The following EYS variants were observed in gnomAD, a reference collection of about 807,000 sequenced individuals.
The protein encoded by EYS is protein eyes shut homolog.
EYS carries 250 observed loss-of-function variants against 282.1 expected under a neutral mutation model. The ratio of observed to expected loss-of-function variants is 0.89; its 90% CI spans 0.80 to 0.98. The LOEUF (loss-of-function observed/expected upper bound fraction) is 0.98. Ranked by LOEUF, EYS falls within the 50% of genes least tolerant of loss-of-function variation. EYS has a pLI of 0.00. For synonymous variants in EYS, 1,355 were observed against 1,282.9 expected, an observed-to-expected ratio of 1.06 and a Z score of -1.20; for missense variants, 4,016 against 3,709.0, an observed-to-expected ratio of 1.08 and a Z score of -2.15.
At chr6:63,857,774 C>A (rs1276678438) in intron 36 of EYS, 1 of 212,316 alleles carries the variant, frequency 4.7e-6, no homozygotes, top group Non-Finnish European at 1.0e-5. Flanking sequence ...ACAACACTGA[C>A]AATTACAGGC....
chr6:64,830,090 G>A (rs1765170699), intron 19 of EYS, among the ~76,000 whole-genome samples: 1 of 151,848 alleles, frequency 6.6e-6, no homozygotes, highest in South Asian at 2.1e-4. Context: ...AGGTCATAAG[G>A]GCAGAGCCCT....
At chr6:65,086,036 T>C (rs1282996077) in intron 12 of EYS, among the ~76,000 whole-genome samples, 3 of 151,956 alleles carry the variant, frequency 2.0e-5, no homozygotes, top group Non-Finnish European at 1.5e-5. Flanking sequence ...TCTTTTTTTT[T>C]TTTTTTAAAT....
At chr6:64,113,112 C>G (rs1360342943) in intron 31 of EYS, among the ~76,000 whole-genome samples, 1 of 152,000 alleles carries the variant, frequency 6.6e-6, no homozygotes, top group African/African-American at 2.4e-5. Context: ...AAAATGCAGA[C>G]TGTAATATGA....
rs1430756899 is a variant in EYS at position 63,798,985 on chromosome 6, GTGTATATATATATATATA to G, written c.7411+7187_7411+7204del. Among the ~76,000 whole-genome samples, 12 of 87,570 alleles carry G rather than the reference GTGTATATATATATATATA, an allele frequency of 1.4e-4. No individual in the cohort carries two copies. In the South Asian group the frequency reaches 2.0e-3, roughly 14 times the overall value. The allele number at this position is 87,570 out of a possible 152,430, so 57.4% of individuals were successfully genotyped here. Reference sequence around the variant, plus strand: ...TGTGTATATATATATATGTATATGTGTGTATATATATATATATATATATATATATATATATAATTTTTT... The same window carrying G: ...TGTGTATATATATATATGTATATGTGTATATATATATATATATAATTTTTT... On this transcript the variant is annotated intron_variant, in intron 37 of 42. Transcript: ENST00000503581.
At chr6:65,692,724 C>T (rs916336173) in intron 1 of EYS, among the ~76,000 whole-genome samples, 23 of 149,656 alleles carry the variant, frequency 1.5e-4, no homozygotes, top group Middle Eastern at 3.2e-3. Context: ...ACATGTAGAA[C>T]TATCCAGTTC....
intron 26 of EYS, among the ~76,000 whole-genome samples, chr6:64,581,376 T>A (rs1766061177): frequency 6.6e-6 from 1 of 151,970 alleles, no homozygotes; most frequent in Non-Finnish European, 1.5e-5. Flanking sequence ...AAAATGAAAA[T>A]CAGAACCATT....
At chr6:63,807,096 T>C (rs1204811594) in intron 36 of EYS, among the ~76,000 whole-genome samples, 4 of 152,210 alleles carry the variant, frequency 2.6e-5, no homozygotes, top group Non-Finnish European at 5.9e-5. Context: ...GGGTTGCTTC[T>C]TGTATCGAAC....
At chr6:65,685,210 G>C (rs1768974408) in intron 1 of EYS, among the ~76,000 whole-genome samples, 1 of 152,000 alleles carries the variant, frequency 6.6e-6, no homozygotes, top group African/African-American at 2.4e-5. Context: ...CAGCAAGCCT[G>C]ATATATGAAG....
chr6:64,661,641 A>T (rs1359907467), intron 22 of EYS, among the ~76,000 whole-genome samples: 1 of 150,620 alleles, frequency 6.6e-6, no homozygotes, highest in Non-Finnish European at 1.5e-5. Flanking sequence ...AATGCTCATC[A>T]TCACTGGCCA....
chr6:64,563,040 T>C (rs1051479955), intron 26 of EYS, among the ~76,000 whole-genome samples: 4 of 152,096 alleles, frequency 2.6e-5, no homozygotes, highest in African/African-American at 7.2e-5. Flanking sequence ...GCAAATATTT[T>C]ACCTTTAAGT....
At chr6:64,550,739 A>G (rs1301268102) in intron 26 of EYS, among the ~76,000 whole-genome samples, 1 of 152,142 alleles carries the variant, frequency 6.6e-6, no homozygotes, top group Admixed American at 6.5e-5. Flanking sequence ...AATCTCCTTA[A>G]GCTGATAGGC....
At chr6:65,273,802 T>C (rs114851932) in intron 12 of EYS, among the ~76,000 whole-genome samples, 2,012 of 152,272 alleles carry the variant, frequency 0.013, 30 homozygotes, top group African/African-American at 0.04. Flanking sequence ...CCCCACTCTG[T>C]CTTTGTTCAA....
chr6:64,168,118 C>G (rs1328782686), intron 31 of EYS, among the ~76,000 whole-genome samples: 1 of 152,004 alleles, frequency 6.6e-6, no homozygotes, highest in East Asian at 1.9e-4. Flanking sequence ...AAAGATTAGC[C>G]GAGCGTGGTG....
chr6:64,926,757 T>C (rs1768530687), intron 15 of EYS, among the ~76,000 whole-genome samples: 1 of 152,212 alleles, frequency 6.6e-6, no homozygotes, highest in Admixed American at 6.5e-5. Flanking sequence ...AGGTGAGGTA[T>C]ACTAACAAAG....
rs568968401 is a variant in EYS at position 65,196,634 on chromosome 6, GAC to G, written c.2023+99227_2023+99228del. Among the ~76,000 whole-genome samples, 46 of 152,100 alleles carry G rather than the reference GAC, an allele frequency of 3.0e-4. No homozygotes were observed. In the South Asian group the frequency reaches 9.3e-3, roughly 31 times the overall value. On this transcript the variant is annotated intron_variant, in intron 12 of 42. Coordinates refer to ENST00000503581, the MANE Select transcript of EYS (RefSeq NM_001142800.2). ...TGAGACTTAAATTCTGGTGTAGAGA[GAC>G]AGAAAACACACACATAAATGTATTT...
intron 11 of EYS, among the ~76,000 whole-genome samples, chr6:65,317,829 T>A (rs12199621): frequency 3.0e-5 from 1 of 33,628 alleles, no homozygotes; most frequent in Admixed American, 2.7e-4. Flanking sequence ...TTCCTTCCTT[T>A]CTTTCTTTCT....
rs117585515 is a variant in EYS at position 64,748,470 on chromosome 6, G to A, written c.3443+64908C>T. ...TTCACAATAGGGTTTGCACTCCTGT[G>A]AGAATCTAAGGCATTAGCATTAATT... On this transcript the variant is annotated intron_variant, in intron 22 of 42. Transcript: ENST00000503581. Among the ~76,000 whole-genome samples, 177 of 152,332 alleles carry A rather than the reference G, an allele frequency of 1.2e-3. 2 individuals are homozygous for A. The East Asian group carries it at 0.03, about 26-fold the overall frequency.
At chr6:64,231,093 A>T (rs541200016) in intron 30 of EYS, among the ~76,000 whole-genome samples, 4 of 152,290 alleles carry the variant, frequency 2.6e-5, no homozygotes, top group Admixed American at 1.3e-4. Context: ...TTTATGGAAA[A>T]AACATAGTCC....
intron 12 of EYS, among the ~76,000 whole-genome samples, chr6:65,122,354 T>C (rs1775580689): frequency 1.3e-5 from 2 of 152,202 alleles, no homozygotes; most frequent in South Asian, 2.1e-4. Flanking sequence ...AATAATAATG[T>C]TTATAATTCA....
Sources: gnomAD v4.1 joint callset for allele counts (sites outside exome capture counted in the v4.1 genomes callset) on GRCh38, gnomAD v4.1.1 for gene constraint, MANE v1.5 for transcripts, NCBI Gene and HGNC (gene_info 2026-07-23, HGNC 2026-07-21) for gene names.